The following GSPT1 variants were observed in gnomAD, a reference collection of about 807,000 sequenced individuals.
The protein encoded by GSPT1 is eukaryotic peptide chain release factor GTP-binding subunit ERF3A.
GSPT1 carries 20 observed loss-of-function variants against 72.5 expected under a neutral mutation model. The observed-to-expected ratio is 0.28, with a 90% CI of 0.19 to 0.40. The LOEUF (loss-of-function observed/expected upper bound fraction) is 0.40, where lower values mean the gene tolerates loss of function less well. Ranked by LOEUF, GSPT1 falls within the 10% of genes least tolerant of loss-of-function variation. The probability of loss-of-function intolerance (pLI) is 1.00; values close to 1 mark genes in which losing one functional copy is unlikely to be tolerated. For missense variants in GSPT1, 580 were observed against 811.9 expected (o/e 0.71, Z 3.47); for synonymous variants, 334 against 293.5 (o/e 1.14, Z -1.41).
intron 1 of GSPT1, chr16:11,915,084 T>C: frequency 7.8e-7 from 1 of 1,289,794 alleles, no homozygotes; most frequent in Non-Finnish European, 1.0e-6. Flanking sequence ...CCATCTCAAG[T>C]GGGTAACTGC....
In GSPT1 at chr16:11,871,408, A is replaced by AGAT. The variant is rs1248955332; in HGVS notation, c.*1708_*1710dup. 6.6e-6 allele frequency: 1 copy of AGAT among 152,164 alleles called. No individual in the cohort carries two copies. Among genetic ancestry groups the AGAT allele is most frequent in the Non-Finnish European group, 1.5e-5 (1 of 68,040 alleles). 9.4% of individuals were successfully genotyped at this position (152,164 alleles called of 1,614,324 possible). A position where few individuals can be genotyped will look rare whatever the true frequency, so the allele number is the denominator to read the frequency against. Reference sequence around the variant, plus strand: ...TAGGGGGAAACCTCGTCTCCACTAAAGATACAAAAATTAACTGGGCCTCGT... The same window carrying AGAT: ...TAGGGGGAAACCTCGTCTCCACTAAAGATGATACAAAAATTAACTGGGCCTCGT... On this transcript the variant is annotated 3_prime_UTR_variant, in exon 15 of 15. Coordinates refer to ENST00000434724, the MANE Select transcript of GSPT1 (RefSeq NM_002094.4).
At chr16:11,900,670 C>T (rs1026612170) in intron 1 of GSPT1, among the ~76,000 whole-genome samples, 1 of 152,140 alleles carries the variant, frequency 6.6e-6, no homozygotes, top group Admixed American at 6.6e-5. Context: ...TAAGCTCTGA[C>T]GGACACACAG....
intron 6 of GSPT1, among the ~76,000 whole-genome samples, chr16:11,890,104 G>A (rs1442788948): frequency 6.6e-6 from 1 of 151,662 alleles, no homozygotes; most frequent in African/African-American, 2.4e-5. Context: ...GGGACTACAG[G>A]TGCCTGCCAC....
intron 6 of GSPT1, among the ~76,000 whole-genome samples, chr16:11,888,862 TA>T (rs2054217879): frequency 1.3e-5 from 2 of 152,336 alleles, no homozygotes; most frequent in Admixed American, 6.5e-5. Context: ...TCTAGAACTT[TA>T]TGGCAAGTTG....
At chr16:11,907,964 A>C (rs1474564571) in intron 1 of GSPT1, among the ~76,000 whole-genome samples, 2 of 152,210 alleles carry the variant, frequency 1.3e-5, no homozygotes, top group Non-Finnish European at 2.9e-5. Flanking sequence ...ATTTGAGGCC[A>C]GGCGCGGTGG....
chr16:11,875,001 C>G (rs531364132), intron 14 of GSPT1, among the ~76,000 whole-genome samples: 1 of 152,174 alleles, frequency 6.6e-6, no homozygotes, highest in Admixed American at 6.5e-5. Context: ...ACCATCCTGG[C>G]TAACGTGGTG....
intron 14 of GSPT1, among the ~76,000 whole-genome samples, chr16:11,875,037 A>G (rs1271907769): frequency 7.2e-5 from 11 of 152,246 alleles, no homozygotes. Flanking sequence ...AAAAATACAA[A>G]AAATTAGCCA....
At position 11,915,458 on chromosome 16, in the gene GSPT1, G is replaced by A. The variant is rs2054620593; in HGVS notation, c.263C>T (p.Ser88Phe). ...PNVHAAEFVPSFLRGPAAPPP... is the reference protein window; with the variant it reads ...PNVHAAEFVPFFLRGPAAPPP... ...CGGCGCTGCCGGGCCCCGCAGGAAG[G>A]ACGGCACGAACTCGGCGGCGTGGAC... Residue 88 changes from serine to phenylalanine, a missense_variant, in exon 1 of 15, where the codon TCC becomes TTC. Physicochemically the swap from Ser to Phe is radical, Grantham distance 155 (BLOSUM62 -2). This residue lies in a region of GSPT1 where 327 missense variants were observed against 298.8 expected (regional missense o/e 1.09). Coordinates refer to ENST00000434724, the MANE Select transcript of GSPT1 (RefSeq NM_002094.4). 4 of 1,547,144 alleles carry A rather than the reference G, an allele frequency of 2.6e-6. No homozygotes were observed. Among genetic ancestry groups the A allele is most frequent in the African/African-American group, 1.4e-5 (1 of 69,926 alleles).
At position 11,875,636 on chromosome 16, in the gene GSPT1, C is replaced by A. The variant is rs140246038; in HGVS notation, c.1861+125G>T. ...ACATTCAACTCATAAAACACTCATA[C>A]GAATAAGAATGTGAATCGAAGTTTT... On this transcript the variant is annotated intron_variant, in intron 14 of 14. Coordinates refer to ENST00000434724, the MANE Select transcript of GSPT1 (RefSeq NM_002094.4). 1.3e-3 allele frequency: 838 copies of A among 633,766 alleles called. 2 individuals are homozygous for A. The highest frequency in any genetic ancestry group is 2.2e-3 in the Admixed American group (63 of 29,272). The allele number at this position is 633,766 out of a possible 1,614,324, so 39.3% of individuals were successfully genotyped here. A position where few individuals can be genotyped will look rare whatever the true frequency, so the allele number is the denominator to read the frequency against.
chr16:11,889,604 T>C (rs1388141033), intron 6 of GSPT1, among the ~76,000 whole-genome samples: 1 of 151,472 alleles, frequency 6.6e-6, no homozygotes, highest in East Asian at 2.0e-4. Context: ...GCCTCCCAGG[T>C]TCAAGTGATT....
chr16:11,893,948 A>C (rs2054301697), intron 5 of GSPT1, among the ~76,000 whole-genome samples: 1 of 151,938 alleles, frequency 6.6e-6, no homozygotes, highest in Non-Finnish European at 1.5e-5. Flanking sequence ...TGACCCCAAG[A>C]GGTCAAGACC....
chr16:11,881,065 A>C (rs1596458296), intron 11 of GSPT1: 1 of 152,104 alleles, frequency 6.6e-6, no homozygotes, highest in East Asian at 1.9e-4. Context: ...CACTTGGCTA[A>C]TTTTTTGTAT....
In GSPT1 at chr16:11,911,448, C is replaced by A. The variant is rs80050843; in HGVS notation, c.352+3921G>T. 6.7e-3 allele frequency among the ~76,000 whole-genome samples: 1,026 copies of A among 152,190 alleles called. 11 individuals carry two copies. The highest frequency in any genetic ancestry group is 0.023 in the African/African-American group (973 of 41,536). On this transcript the variant is annotated intron_variant, in intron 1 of 14. Coordinates refer to ENST00000434724, the MANE Select transcript of GSPT1 (RefSeq NM_002094.4). ...GTCACCCAGGCTGAGTGCAATGGTG[C>A]CATCATAGCTCACTGCAGCCTCCAG...
chr16:11,915,637 A>T lies in GSPT1; in HGVS notation c.84T>A (p.Pro28=). ...SSGSSSSDSA[P]DCWDQADMEA... Reference sequence around the variant, plus strand: ...CCATGTCCGCCTGGTCCCAGCAGTCAGGCGCCGAGTCGCTGCTGCTGCTGC... The same window carrying T: ...CCATGTCCGCCTGGTCCCAGCAGTCTGGCGCCGAGTCGCTGCTGCTGCTGC... Residue 28 remains proline (P), a synonymous_variant, in exon 1 of 15, where the codon CCT becomes CCA. Transcript: ENST00000434724. The T allele has an allele frequency of 4.0e-6, 6 of 1,486,694 alleles. No individual in the cohort carries two copies. Among genetic ancestry groups the T allele is most frequent in the Non-Finnish European group, 5.3e-6 (6 of 1,122,438 alleles). The allele number at this position is 1,486,694 out of a possible 1,614,324, so 92.1% of individuals were successfully genotyped here. A position where few individuals can be genotyped will look rare whatever the true frequency, so the allele number is the denominator to read the frequency against.
In GSPT1 at chr16:11,892,851, A is replaced by G. The variant is rs867492004; in HGVS notation, c.699-1712T>C. On this transcript the variant is annotated intron_variant, in intron 5 of 14. Transcript: ENST00000434724. ...TCTCAAAAAAAAAAAAAAAAAAAAA[A>G]AAAAGAAAAGAAAAGGGAAAACAAT... 1.7e-3 allele frequency among the ~76,000 whole-genome samples: 241 copies of G among 144,108 alleles called. 2 individuals carry two copies. Among genetic ancestry groups the G allele is most frequent in the African/African-American group, 6.0e-3 (229 of 37,934 alleles). The allele number at this position is 144,108 out of a possible 152,430, so 94.5% of individuals were successfully genotyped here. A position where few individuals can be genotyped will look rare whatever the true frequency, so the allele number is the denominator to read the frequency against.
intron 5 of GSPT1, among the ~76,000 whole-genome samples, chr16:11,891,664 AT>A (rs766124475): frequency 4.0e-3 from 496 of 124,378 alleles, no homozygotes; most frequent in Admixed American, 5.4e-3. Flanking sequence ...GCCTGGCCAT[AT>A]TTTTTTTTTT....
chr16:11,882,963 A>G, intron 11 of GSPT1, 52 bp downstream of exon 11: 1 of 1,213,784 alleles, frequency 8.2e-7, no homozygotes, highest in Non-Finnish European at 1.2e-6. Context: ...TCTCTTAAAG[A>G]AAAAGAAAAA....
chr16:11,915,283 C>T (rs572860844), intron 1 of GSPT1, 86 bp downstream of exon 1: 6 of 1,246,738 alleles, frequency 4.8e-6, no homozygotes, highest in Admixed American at 4.3e-5. Context: ...GACCGGGCCC[C>T]AGGGCCGCGC....
chr16:11,877,317 A>G lies in GSPT1; in HGVS notation c.1602+90T>C. The G allele has an allele frequency of 1.2e-6, 1 of 852,010 alleles. No individual in the cohort carries two copies. The highest frequency in any genetic ancestry group is 1.8e-6 in the Non-Finnish European group (1 of 560,494). The allele number at this position is 852,010 out of a possible 1,614,324, so 52.8% of individuals were successfully genotyped here. On this transcript the variant is annotated intron_variant, in intron 12 of 14. Coordinates refer to ENST00000434724, the MANE Select transcript of GSPT1 (RefSeq NM_002094.4). This position sits in a 1 kb window ranked among gnomAD's most constrained non-coding sequence, Gnocchi z 4.0. ...TCTACACTAAGATGGGTTAACTGGC[A>G]TGTCACAAATAATCAGGACAAAAGG...
Sources: gnomAD v4.1 joint callset for allele counts (sites outside exome capture counted in the v4.1 genomes callset) on GRCh38, gnomAD v4.1.1 for gene constraint, gnomAD v4.1.1 regional missense constraint, Gnocchi (gnomAD v3.1) non-coding constraint, MANE v1.5 for transcripts, NCBI Gene and HGNC (gene_info 2026-07-23, HGNC 2026-07-21) for gene names.